The following GABRR1 variants were observed in gnomAD, a reference collection of about 807,000 sequenced individuals.
GABRR1 encodes the protein gamma-aminobutyric acid type A receptor subunit rho1.
In GABRR1, 59 loss-of-function variants were observed where a neutral mutation model predicts 55.5. That is an observed-to-expected ratio of 1.06 (90% confidence interval 0.86 to 1.32). The LOEUF (loss-of-function observed/expected upper bound fraction) is 1.32. Among genes scored for constraint, GABRR1 ranks in the 40% most tolerant of loss-of-function variants. The pLI, the probability that GABRR1 is intolerant of heterozygous loss-of-function variation, is 0.00. For synonymous variants in GABRR1, 213 were observed against 226.0 expected, an observed-to-expected ratio of 0.94 and a Z score of 0.51; for missense variants, 602 against 619.1, an observed-to-expected ratio of 0.97 and a Z score of 0.29.
chr6:89,196,851 G>GAAAGAAAGAAAGAAA (rs1554190861), intron 5 of GABRR1, among the ~76,000 whole-genome samples: 46 of 132,812 alleles, frequency 3.5e-4, no homozygotes, highest in African/African-American at 1.3e-3. Flanking sequence ...AAGAAAGAAA[G>GAAAGAAAGAAAGAAA]AAAGAAAGAA....
chr6:89,197,498 C>A (rs1158153546), intron 5 of GABRR1, among the ~76,000 whole-genome samples: 2 of 152,204 alleles, frequency 1.3e-5, no homozygotes, highest in Non-Finnish European at 2.9e-5. Flanking sequence ...TTTAAAGTGT[C>A]TGAACTGGTG....
At chr6:89,194,057 C>G (rs1479388577) in intron 5 of GABRR1, among the ~76,000 whole-genome samples, 1 of 152,182 alleles carries the variant, frequency 6.6e-6, no homozygotes, top group Non-Finnish European at 1.5e-5. Flanking sequence ...CCTTAACCAA[C>G]AGGAAGCATC....
intron 1 of GABRR1, among the ~76,000 whole-genome samples, chr6:89,210,370 TTTTTG>T (rs1366955251): frequency 6.6e-6 from 1 of 151,888 alleles, no homozygotes; most frequent in Non-Finnish European, 1.5e-5. Context: ...ATTTTGCTTG[TTTTTG>T]TAGAAATGGG....
At chr6:89,230,024 T>C (rs1773257545) in intron 1 of GABRR1, among the ~76,000 whole-genome samples, 2 of 120,114 alleles carry the variant, frequency 1.7e-5, no homozygotes, top group Admixed American at 8.7e-5. Context: ...CATCTTCCAT[T>C]GCTGATACCC....
In GABRR1 at chr6:89,203,442, G is replaced by T. The variant is rs41309300; in HGVS notation, c.166C>A (p.Gln56Lys). Residue 56 changes from glutamine to lysine, a missense_variant, in exon 2 of 10, where the codon CAA (glutamine) becomes AAA (lysine). Gln to Lys is a moderately conservative substitution (Grantham distance 53). Coordinates refer to ENST00000454853, the MANE Select transcript of GABRR1 (RefSeq NM_002042.5). ...ACGTGCTTATGGCCATACCTGACTT[G>T]CTTGTGGGCATCTTCATGTACTTCT... ...RREVHEDAHK[Q>K]VSPILRRSPD... is the part of the protein sequence containing the mutation. 6.2e-7 allele frequency: 1 copy of T among 1,613,080 alleles called. No homozygotes were observed. The highest frequency in any genetic ancestry group is 1.3e-5 in the African/African-American group (1 of 74,882).
rs1247335539 is a variant in GABRR1, at chr6:89,180,434, A to C, written c.1004T>G (p.Met335Arg). The change falls in exon 9 of 10, where the codon ATG becomes AGG. Residue 335 changes from methionine to arginine, a missense_variant. Physicochemically the swap from Met to Arg is moderately conservative, Grantham distance 91. Around this residue, in one of 3 missense-constraint regions of GABRR1, gnomAD observed 28 missense variants for 53.9 expected, o/e 0.52. Transcript: ENST00000454853. ...STIITGVNAS[M>R]PRVSYIKAVD... Reference sequence around the variant, plus strand: ...GGCCTTGATGTAGGAGACGCGCGGCATGGAGGCATTCACGCCCGTGATGAT... The same window carrying C: ...GGCCTTGATGTAGGAGACGCGCGGCCTGGAGGCATTCACGCCCGTGATGAT... The C allele has an allele frequency of 6.2e-7, 1 of 1,613,920 alleles. No individual in the cohort carries two copies.
intron 6 of GABRR1, among the ~76,000 whole-genome samples, chr6:89,187,714 C>T (rs1024213280): frequency 1.3e-5 from 2 of 152,216 alleles, no homozygotes; most frequent in Admixed American, 1.3e-4. Context: ...AAAGTGACAT[C>T]ATACAGTATT....
At chr6:89,219,090 AC>A (rs1773072715), upstream of GABRR1, among the ~76,000 whole-genome samples, 1 of 152,146 alleles carries the variant, frequency 6.6e-6, no homozygotes, top group African/African-American at 2.4e-5. Flanking sequence ...ACATGGTGAA[AC>A]CCTGTCCCTA....
In GABRR1 at chr6:89,181,949, G is replaced by A; in HGVS notation, c.905C>T (p.Ser302Phe). 6.2e-7 allele frequency: 1 copy of A among 1,614,054 alleles called. No homozygotes were observed. The highest frequency in any genetic ancestry group is 2.2e-5 in the East Asian group (1 of 44,886). Residue 302 changes from serine (S) to phenylalanine (F), a missense_variant, in exon 8 of 10, where the codon TCC becomes TTC. Ser to Phe is a radical substitution (Grantham distance 155). Transcript: ENST00000454853. ...ATLMVMLSWV[S>F]FWIDRRAVPA... Reference sequence around the variant, plus strand: ...CACGGCTCTGCGGTCGATCCAGAAGGACACCCAGGACAGCATGACCATCAG... The same window carrying A: ...CACGGCTCTGCGGTCGATCCAGAAGAACACCCAGGACAGCATGACCATCAG...
intron 7 of GABRR1, among the ~76,000 whole-genome samples, chr6:89,183,120 G>C (rs1026341648): frequency 1.4e-5 from 2 of 145,082 alleles, no homozygotes; most frequent in Non-Finnish European, 3.0e-5. Context: ...ATGCATGGAG[G>C]AGTTGAAGAG....
At chr6:89,210,111 T>G (rs1772783168) in intron 1 of GABRR1, among the ~76,000 whole-genome samples, 1 of 151,826 alleles carries the variant, frequency 6.6e-6, no homozygotes, top group Non-Finnish European at 1.5e-5. Flanking sequence ...TGTACCCTTT[T>G]GGGCCTTGCT....
intron 1 of GABRR1, among the ~76,000 whole-genome samples, chr6:89,204,110 T>C (rs1198231888): frequency 6.6e-6 from 1 of 152,214 alleles, no homozygotes; most frequent in Non-Finnish European, 1.5e-5. Context: ...CTTCCTCCTA[T>C]TCCTAGTCCT....
intron 6 of GABRR1, among the ~76,000 whole-genome samples, chr6:89,187,445 T>TA (rs1173144081): frequency 1.3e-5 from 2 of 152,212 alleles, no homozygotes; most frequent in Admixed American, 6.5e-5. Context: ...GGGTTGCATT[T>TA]ACTCTGTTGA....
chr6:89,211,493 C>G (rs1010872129), intron 1 of GABRR1, among the ~76,000 whole-genome samples: 2 of 152,112 alleles, frequency 1.3e-5, no homozygotes, highest in Admixed American at 1.3e-4. Context: ...CCTCTGACAT[C>G]TGTCTCTTCT....
chr6:89,210,966 C>T (rs977778296), intron 1 of GABRR1, among the ~76,000 whole-genome samples: 4 of 151,900 alleles, frequency 2.6e-5, no homozygotes, highest in Admixed American at 1.3e-4. Flanking sequence ...GGAGGTGACA[C>T]CTCTGCTAAA....
Position 89,198,040 on chromosome 6 carries a change from C to T in GABRR1, c.552G>A (p.Gly184=), listed in dbSNP as rs775112992. 18 of 1,613,858 alleles carry T rather than the reference C, an allele frequency of 1.1e-5. No homozygotes were observed. The highest frequency in any genetic ancestry group is 1.4e-5 in the Non-Finnish European group (17 of 1,179,916). Residue 184 remains glycine (G), a synonymous_variant, in exon 5 of 10, where the codon GGG becomes GGA. Coordinates refer to ENST00000454853, the MANE Select transcript of GABRR1 (RefSeq NM_002042.5). Reference sequence around the variant, plus strand: ...CCTACCTGAGACTATAGAGCACTTTCCCATCAGGCTGGACCCGCAACATGA... The same window carrying T: ...CCTACCTGAGACTATAGAGCACTTTTCCATCAGGCTGGACCCGCAACATGA... The part of the protein sequence containing the change: ...DNVMLRVQPD[G]KVLYSLRVTV...
intron 5 of GABRR1, among the ~76,000 whole-genome samples, chr6:89,193,897 C>T (rs549966762): frequency 2.0e-5 from 3 of 152,214 alleles, no homozygotes; most frequent in East Asian, 1.9e-4. Context: ...ACTTACACAT[C>T]CCCGATGCTC....
chr6:89,181,229 T>C (rs1449241124), intron 8 of GABRR1, among the ~76,000 whole-genome samples: 5 of 152,276 alleles, frequency 3.3e-5, no homozygotes, highest in South Asian at 4.2e-4. Context: ...TCACAGGGGA[T>C]TGGGGTCATC....
intron 9 of GABRR1, among the ~76,000 whole-genome samples, 168 bp from the exon 10 acceptor site, chr6:89,179,231 G>A (rs962836128): frequency 1.3e-5 from 2 of 151,596 alleles, no homozygotes; most frequent in African/African-American, 4.9e-5. Context: ...TTTTTTTGGG[G>A]GGGACTTGAG....
Sources: gnomAD v4.1 joint callset for allele counts (sites outside exome capture counted in the v4.1 genomes callset) on GRCh38, gnomAD v4.1.1 for gene constraint, gnomAD v4.1.1 regional missense constraint, MANE v1.5 for transcripts, NCBI Gene and HGNC (gene_info 2026-07-23, HGNC 2026-07-21) for gene names.